The following ANKFY1 variants were observed in gnomAD, a reference collection of about 807,000 sequenced individuals.
The protein encoded by ANKFY1 is ankyrin repeat and FYVE domain containing 1.
Under a neutral mutation model 128.3 loss-of-function variants are expected in ANKFY1, and 47 were observed. The ratio of observed to expected loss-of-function variants is 0.37; its 90% CI spans 0.29 to 0.47. The LOEUF (loss-of-function observed/expected upper bound fraction) is 0.47, where lower values mean the gene tolerates loss of function less well. Among genes scored for constraint, ANKFY1 ranks in the 20% least tolerant of loss-of-function variants. The pLI, the probability that ANKFY1 is intolerant of heterozygous loss-of-function variation, is 1.00. For synonymous variants in ANKFY1, 553 were observed against 601.6 expected, an observed-to-expected ratio of 0.92 and a Z score of 1.18; for missense variants, 1,222 against 1,510.6, an observed-to-expected ratio of 0.81 and a Z score of 3.17.
rs139994258 is a variant in ANKFY1, at chr17:4,178,896, G to A, written c.2559C>T (p.Ala853=). Residue 853 remains alanine (A), a synonymous_variant, in exon 18 of 25, where the codon GCC becomes GCT. Coordinates refer to ENST00000341657, the MANE Select transcript of ANKFY1 (RefSeq NM_001330063.2). This position sits in a 1 kb window ranked among gnomAD's most constrained non-coding sequence, Gnocchi z 4.1. The part of the protein sequence containing the change: ...CAMTFKNNKS[A]EAILKRESGA... ...CGGACTCTCGTTTGAGAATGGCCTC[G>A]GCTGACTTGTTGTTCTTGAAAGTCA... The A allele has an allele frequency of 5.5e-5, 89 of 1,614,014 alleles. No individual in the cohort carries two copies. Among genetic ancestry groups the A allele is most frequent in the Non-Finnish European group, 6.8e-5 (80 of 1,180,042 alleles).
At chr17:4,234,723 G>A (rs1966862334) in intron 3 of ANKFY1, among the ~76,000 whole-genome samples, 1 of 152,126 alleles carries the variant, frequency 6.6e-6, no homozygotes. Context: ...TCCCAGGCTA[G>A]TCTTGAATTC....
chr17:4,190,702 T>C (rs989588004), intron 10 of ANKFY1, among the ~76,000 whole-genome samples: 41 of 152,260 alleles, frequency 2.7e-4, no homozygotes, highest in African/African-American at 8.7e-4. Context: ...AGTTTTTTTT[T>C]CTCTCTAAAT....
rs767654182 is a variant in ANKFY1 at position 4,174,014 on chromosome 17, G to C, written c.2818C>G (p.Gln940Glu). 1.1e-5 allele frequency: 18 copies of C among 1,614,214 alleles called. No individual in the cohort carries two copies. Among genetic ancestry groups the C allele is most frequent in the Non-Finnish European group, 1.5e-5 (18 of 1,180,024 alleles). Residue 940 changes from glutamine (Q) to glutamate (E), a missense_variant, in exon 20 of 25, where the codon CAG (glutamine) becomes GAG (glutamate). Transcript: ENST00000341657. ...TGGGCAGCAAGATGGAGGGCAGTCT[G>C]GCGATGCTTGGTTAATTCGTTCACT... ...AKVNELTKHRQTALHLAAQQD... is the reference protein window; with the variant it reads ...AKVNELTKHRETALHLAAQQD...
intron 1 of ANKFY1, among the ~76,000 whole-genome samples, chr17:4,246,811 G>C (rs931447529): frequency 6.6e-6 from 1 of 152,158 alleles, no homozygotes; most frequent in Admixed American, 6.5e-5. Context: ...CCTCTTTTAA[G>C]AGTTAAAAGG....
chr17:4,173,179 A>C (rs1037740885), intron 21 of ANKFY1, among the ~76,000 whole-genome samples, 175 bp downstream of exon 21: 1 of 152,240 alleles, frequency 6.6e-6, no homozygotes, highest in African/African-American at 2.4e-5. Context: ...AGCATTTTTT[A>C]TTAAAACAAA....
At chr17:4,196,488 C>G (rs999812189) in intron 8 of ANKFY1, among the ~76,000 whole-genome samples, 13 of 152,152 alleles carry the variant, frequency 8.5e-5, no homozygotes, top group African/African-American at 3.1e-4. Context: ...TTCACAGCCC[C>G]TCACACCACT....
rs747696063 is a variant in ANKFY1 at position 4,182,188 on chromosome 17, G to A, written c.2114C>T (p.Ser705Phe). 2 of 1,529,718 alleles carry A rather than the reference G, an allele frequency of 1.3e-6. No individual in the cohort carries two copies. The highest frequency in any genetic ancestry group is 1.8e-5 in the Admixed American group (1 of 54,106). 94.8% of individuals were successfully genotyped at this position (1,529,718 alleles called of 1,614,324 possible). A position where few individuals can be genotyped will look rare whatever the true frequency, so the allele number is the denominator to read the frequency against. ...ALANNLEDIASTLVRHGCDAT... is the reference protein window; with the variant it reads ...ALANNLEDIAFTLVRHGCDAT... ...ACGTTGTGCCTGTCTCACCAGAGTG[G>A]ATGCGATGTCCTCCAGATTGTTTGC... Residue 705 changes from serine to phenylalanine, a missense_variant, in exon 15 of 25, where the codon TCC becomes TTC. Transcript: ENST00000341657.
intron 3 of ANKFY1, among the ~76,000 whole-genome samples, chr17:4,221,048 G>C (rs2060302588): frequency 6.6e-6 from 1 of 152,242 alleles, no homozygotes; most frequent in African/African-American, 2.4e-5. Flanking sequence ...AGGCCAGGAT[G>C]CATGTAAATA....
In ANKFY1 at chr17:4,185,076, G is replaced by A. The variant is rs1391129365; in HGVS notation, c.1471-30C>T. On this transcript the variant is annotated intron_variant, in intron 11 of 24. Coordinates refer to ENST00000341657, the MANE Select transcript of ANKFY1 (RefSeq NM_001330063.2). The stretch of plus-strand genomic sequence containing the variant: ...ATGGAAACAAATGGCCGAAATCTGA[G>A]CACTCACAGGAATTCCCTTCACAAA... 5.0e-6 allele frequency: 8 copies of A among 1,586,926 alleles called. No individual in the cohort carries two copies. In the East Asian group the frequency reaches 1.8e-4, roughly 36 times the overall value.
chr17:4,169,416 G>A lies in ANKFY1; in HGVS notation c.3287-128C>T. ...GCTGCCACATGACATAGGTGACGAA[G>A]GAGCGATAGGTTCTAAGTGGTTCAG... On this transcript the variant is annotated intron_variant, in intron 23 of 24. Transcript: ENST00000341657. The surrounding 1 kb of genome is among the most constrained non-coding windows in gnomAD (Gnocchi z 5.0). 2 of 682,102 alleles carry A rather than the reference G, an allele frequency of 2.9e-6. No individual in the cohort carries two copies. The highest frequency in any genetic ancestry group is 3.5e-5 in the South Asian group (2 of 57,096). The allele number at this position is 682,102 out of a possible 1,614,324, so 42.3% of individuals were successfully genotyped here. A position where few individuals can be genotyped will look rare whatever the true frequency, so the allele number is the denominator to read the frequency against.
At chr17:4,189,264 GTAT>G (rs2059667780) in intron 11 of ANKFY1, 115 bp downstream of exon 11, 1 of 748,628 alleles carries the variant, frequency 1.3e-6, no homozygotes, top group South Asian at 1.8e-5. Context: ...CCATATGCAT[GTAT>G]TATTCTGATT....
chr17:4,205,241 T>G (rs2060001084), intron 7 of ANKFY1, among the ~76,000 whole-genome samples: 1 of 152,138 alleles, frequency 6.6e-6, no homozygotes, highest in Non-Finnish European at 1.5e-5. Flanking sequence ...CAACCATCCC[T>G]CCACAAAACT....
intron 12 of ANKFY1, 86 bp from the exon 13 acceptor site, chr17:4,183,996 G>A: frequency 1.8e-6 from 2 of 1,122,116 alleles, no homozygotes. Flanking sequence ...AACTCAAACT[G>A]CCTGTTGGGT....
intron 1 of ANKFY1, chr17:4,249,234 G>C (rs1967713924): frequency 2.6e-6 from 1 of 385,494 alleles, no homozygotes; most frequent in Non-Finnish European, 3.5e-6. Flanking sequence ...ACAGTCTCTG[G>C]GGCACTACTC....
At chr17:4,175,085 C>A (rs1309615953) in intron 19 of ANKFY1, among the ~76,000 whole-genome samples, 1 of 150,570 alleles carries the variant, frequency 6.6e-6, no homozygotes, top group Non-Finnish European at 1.5e-5. Context: ...GTAGTCCCAG[C>A]ACTTTGGGAG....
At chr17:4,233,450 TTTTTAG>T (rs2060548707) in intron 3 of ANKFY1, among the ~76,000 whole-genome samples, 1 of 152,184 alleles carries the variant, frequency 6.6e-6, no homozygotes, top group Non-Finnish European at 1.5e-5. Flanking sequence ...CAGGCAAATG[TTTTTAG>T]TTACTGGCAT....
intron 3 of ANKFY1, among the ~76,000 whole-genome samples, chr17:4,217,450 G>A (rs1188988140): frequency 6.6e-6 from 1 of 152,114 alleles, no homozygotes; most frequent in Non-Finnish European, 1.5e-5. Context: ...CTCGGGCTGA[G>A]GCAGGAGAAT....
chr17:4,220,417 C>T (rs1431083617), intron 3 of ANKFY1, among the ~76,000 whole-genome samples: 1 of 152,158 alleles, frequency 6.6e-6, no homozygotes, highest in East Asian at 1.9e-4. Context: ...GAAGACAGCT[C>T]GTTCCTATCT....
Position 4,194,987 on chromosome 17 carries a change from T to C in ANKFY1, c.1363A>G (p.Thr455Ala), listed in dbSNP as rs769292178. 3.9e-5 allele frequency: 63 copies of C among 1,614,106 alleles called. No individual in the cohort carries two copies. The highest frequency in any genetic ancestry group is 5.2e-5 in the Non-Finnish European group (61 of 1,180,052). ...QRGSHTDAPD[T>A]ATGNCLLQRA... is the part of the protein sequence containing the mutation. ...GAGGCACGTGCTTTACCTGTCGCCG[T>C]GTCAGGTGCGTCTGTGTGGCTGCCG... Residue 455 changes from threonine (T) to alanine (A), a missense_variant, in exon 10 of 25, where the codon ACG becomes GCG. Physicochemically the swap from Thr to Ala is moderately conservative, Grantham distance 58. Transcript: ENST00000341657.
Sources: allele counts gnomAD v4.1 joint callset (sites outside exome capture counted in the v4.1 genomes callset), GRCh38; gene constraint gnomAD v4.1.1; non-coding constraint Gnocchi (gnomAD v3.1); transcripts MANE v1.5; gene names NCBI Gene and HGNC (gene_info 2026-07-23, HGNC 2026-07-21).